The following TTC7A variants were observed in gnomAD, a reference collection of about 807,000 sequenced individuals.
The protein encoded by TTC7A is tetratricopeptide repeat domain 7A.
A neutral mutation model predicts 103.7 loss-of-function variants in TTC7A; 110 were observed. The observed-to-expected ratio is 1.06, with a 90% CI of 0.91 to 1.24. The LOEUF (loss-of-function observed/expected upper bound fraction) is 1.24. TTC7A is among the 50% of genes most tolerant of loss of function. The pLI is 0.00. For synonymous variants in TTC7A, 521 were observed against 467.9 expected, an observed-to-expected ratio of 1.11 and a Z score of -1.47; for missense variants, 1,340 against 1,116.3, an observed-to-expected ratio of 1.20 and a Z score of -2.86.
At chr2:46,992,060 T>C (rs929133655) in intron 5 of TTC7A, among the ~76,000 whole-genome samples, 2 of 152,190 alleles carry the variant, frequency 1.3e-5, no homozygotes, top group Non-Finnish European at 2.9e-5. Flanking sequence ...CTTATGTAAC[T>C]TTCTTGGCTG....
At chr2:47,026,437 G>A (rs1679924209) in intron 14 of TTC7A, among the ~76,000 whole-genome samples, 1 of 152,206 alleles carries the variant, frequency 6.6e-6, no homozygotes, top group African/African-American at 2.4e-5. Context: ...GGTGCCCACA[G>A]CCTGCACAGA....
At chr2:46,957,078 T>C in intron 3 of TTC7A, 71 bp downstream of exon 3, 1 of 1,571,658 alleles carries the variant, frequency 6.4e-7, no homozygotes, top group South Asian at 1.1e-5. Flanking sequence ...CCCAGGGCCC[T>C]GCTGGGCTCG....
chr2:47,039,201 C>T (rs1681477323), intron 15 of TTC7A, among the ~76,000 whole-genome samples: 1 of 152,216 alleles, frequency 6.6e-6, no homozygotes, highest in Admixed American at 6.5e-5. Context: ...GCTGAAGGCC[C>T]TGTCTCAACA....
chr2:46,953,016 G>A (rs1671544064), intron 2 of TTC7A, among the ~76,000 whole-genome samples: 1 of 152,118 alleles, frequency 6.6e-6, no homozygotes, highest in Non-Finnish European at 1.5e-5. Flanking sequence ...TGTGACAACG[G>A]TTTTATTAAA....
chr2:46,994,175 G>A (rs1177760269), intron 6 of TTC7A, 182 bp from the exon 7 acceptor site: 16 of 640,528 alleles, frequency 2.5e-5, no homozygotes, highest in South Asian at 4.1e-5. Context: ...GGGTGGGAGC[G>A]CCAGTGTTGG....
At chr2:47,029,416 G>T (rs1227766267) in intron 15 of TTC7A, 32 bp downstream of exon 15, 5 of 1,611,108 alleles carry the variant, frequency 3.1e-6, no homozygotes, top group Non-Finnish European at 4.2e-6. Flanking sequence ...TGGCAGTGGG[G>T]GAGCTGGCTG....
intron 19 of TTC7A, among the ~76,000 whole-genome samples, chr2:47,071,739 T>C (rs1042055806): frequency 2.6e-5 from 4 of 151,816 alleles, no homozygotes; most frequent in Non-Finnish European, 4.4e-5. Context: ...AAACTGAGAA[T>C]ACACACACAC....
intron 3 of TTC7A, among the ~76,000 whole-genome samples, chr2:46,971,111 G>A (rs775553277): frequency 3.3e-5 from 5 of 152,244 alleles, no homozygotes; most frequent in Non-Finnish European, 7.3e-5. Flanking sequence ...TGCTTGTCCA[G>A]TACCTACTGT....
intron 2 of TTC7A, among the ~76,000 whole-genome samples, chr2:46,954,820 C>T (rs559945589): frequency 1.3e-5 from 2 of 152,286 alleles, no homozygotes; most frequent in Admixed American, 1.3e-4. Flanking sequence ...ATCTGCCTGC[C>T]TCGACCTCCC....
chr2:47,067,336 A>G (rs142175254), intron 19 of TTC7A, among the ~76,000 whole-genome samples: 5 of 152,370 alleles, frequency 3.3e-5, no homozygotes, highest in East Asian at 1.9e-4. Flanking sequence ...TTTTATCACT[A>G]TATTCACATA....
At chr2:46,947,794 T>A (rs1671059293) in intron 1 of TTC7A, among the ~76,000 whole-genome samples, 1 of 152,132 alleles carries the variant, frequency 6.6e-6, no homozygotes, top group Non-Finnish European at 1.5e-5. Context: ...AAAAGAAAAA[T>A]ACACAAAGTA....
intron 18 of TTC7A, among the ~76,000 whole-genome samples, chr2:47,057,066 TGCGGCGCCCCA>T (rs1683382655): frequency 6.6e-6 from 1 of 152,192 alleles, no homozygotes; most frequent in Non-Finnish European, 1.5e-5. Context: ...CGTGGGTGGA[TGCGGCGCCCCA>T]GGGCTACTGC....
chr2:47,040,146 C>G (rs377009851), intron 15 of TTC7A, among the ~76,000 whole-genome samples: 3 of 152,184 alleles, frequency 2.0e-5, no homozygotes, highest in Admixed American at 2.0e-4. Flanking sequence ...AGCATCCTGA[C>G]GAGGGCATAA....
chr2:46,993,574 T>C, intron 6 of TTC7A, 46 bp downstream of exon 6: 2 of 1,584,050 alleles, frequency 1.3e-6, no homozygotes, highest in Non-Finnish European at 8.7e-7. Context: ...GAGTCAGCTT[T>C]GGTGGGAGAC....
chr2:46,960,530 G>T (rs1359341714), intron 3 of TTC7A, among the ~76,000 whole-genome samples: 1 of 152,198 alleles, frequency 6.6e-6, no homozygotes, highest in African/African-American at 2.4e-5. Flanking sequence ...GCACCACCCA[G>T]GAGCTTGCAG....
At position 47,023,328 on chromosome 2, in the gene TTC7A, G is replaced by A. The variant is rs1572939930; in HGVS notation, c.1511-80G>A. ...GTGGGGCCTTTATCTGCAGAGCTGT[G>A]TGCTTTGAGGATGGTGCAGGGCTGG... is the stretch of plus-strand genomic sequence containing the variant. On this transcript the variant is annotated intron_variant, in intron 12 of 19. Transcript: ENST00000319190. The A allele has an allele frequency of 4.8e-6, 7 of 1,473,164 alleles. No individual in the cohort carries two copies. In the East Asian group the frequency reaches 1.4e-4, roughly 29 times the overall value. 91.3% of individuals were successfully genotyped at this position (1,473,164 alleles called of 1,614,324 possible).
intron 8 of TTC7A, among the ~76,000 whole-genome samples, chr2:47,003,128 G>T (rs77109797): frequency 0.012 from 1,868 of 152,344 alleles, 49 homozygotes; most frequent in African/African-American, 0.042. Context: ...AAGGTCTAGG[G>T]TGGACAGGGG....
chr2:46,939,241 C>CT (rs1670131974), upstream of TTC7A, among the ~76,000 whole-genome samples: 1 of 152,090 alleles, frequency 6.6e-6, no homozygotes, highest in Non-Finnish European at 1.5e-5. Flanking sequence ...ACAATAGCCT[C>CT]TAAAACAAGT....
intron 10 of TTC7A, among the ~76,000 whole-genome samples, chr2:47,008,126 C>T (rs576418990): frequency 3.3e-5 from 5 of 152,274 alleles, no homozygotes; most frequent in African/African-American, 1.2e-4. Flanking sequence ...GGGGAGACAG[C>T]TCACAGTGGC....
Sources: allele counts gnomAD v4.1 joint callset (sites outside exome capture counted in the v4.1 genomes callset), GRCh38; gene constraint gnomAD v4.1.1; transcripts MANE v1.5; gene names NCBI Gene and HGNC (gene_info 2026-07-23, HGNC 2026-07-21).